EPC1: variants seen among roughly 807,000 people sequenced by gnomAD.
The protein encoded by EPC1 is enhancer of polycomb 1.
In EPC1, 12 loss-of-function variants were observed where a neutral mutation model predicts 98.4. The ratio of observed to expected loss-of-function variants is 0.12; its 90% CI spans 0.08 to 0.20. The LOEUF (loss-of-function observed/expected upper bound fraction) is 0.20, where lower values mean the gene tolerates loss of function less well. Among genes scored for constraint, EPC1 ranks in the 10% least tolerant of loss-of-function variants. The pLI, the probability that EPC1 is intolerant of heterozygous loss-of-function variation, is 1.00. For missense variants in EPC1, 729 were observed against 990.5 expected (o/e 0.74, Z 3.54); for synonymous variants, 357 against 363.9 (o/e 0.98, Z 0.21).
At chr10:32,325,055 C>T (rs945824141) in intron 1 of EPC1, among the ~76,000 whole-genome samples, 1 of 152,060 alleles carries the variant, frequency 6.6e-6, no homozygotes, top group African/African-American at 2.4e-5. Context: ...TAATTTTTAG[C>T]TGCAGACTGT....
intron 11 of EPC1, 136 bp from the exon 12 acceptor site, chr10:32,272,303 C>A (rs552212516): frequency 7.8e-6 from 5 of 641,728 alleles, no homozygotes; most frequent in African/African-American, 7.3e-5. Flanking sequence ...ATTTTGGTAC[C>A]TTGAGATGCA....
intron 1 of EPC1, among the ~76,000 whole-genome samples, chr10:32,353,589 A>G (rs1839186660): frequency 6.6e-6 from 1 of 152,222 alleles, no homozygotes; most frequent in Non-Finnish European, 1.5e-5. Flanking sequence ...ACTAAGAGCT[A>G]AGGCAAGACA....
At chr10:32,269,275 T>C (rs1322423233) in intron 13 of EPC1, 140 bp from the exon 14 acceptor site, 2 of 618,246 alleles carry the variant, frequency 3.2e-6, no homozygotes, top group Non-Finnish European at 5.7e-6. Context: ...AGTAGAGGAA[T>C]ACGAATCTTT....
chr10:32,307,019 A>G (rs1835913314), intron 1 of EPC1, among the ~76,000 whole-genome samples: 1 of 152,216 alleles, frequency 6.6e-6, no homozygotes, highest in Non-Finnish European at 1.5e-5. Flanking sequence ...AAATATGTAA[A>G]GGAATATATA....
chr10:32,275,872 G>A (rs768312965), intron 10 of EPC1, among the ~76,000 whole-genome samples: 1 of 152,010 alleles, frequency 6.6e-6, no homozygotes, highest in Admixed American at 6.6e-5. Context: ...GGGAGGTGGA[G>A]GTTGCAGTTA....
At chr10:32,305,746 C>A (rs1234839102) in intron 2 of EPC1, 26 bp downstream of exon 2, 6 of 1,533,434 alleles carry the variant, frequency 3.9e-6, no homozygotes, top group Non-Finnish European at 5.2e-6. Context: ...ATAGAAAATA[C>A]AATCATTAAG....
chr10:32,346,101 C>T (rs1042230526), intron 1 of EPC1, among the ~76,000 whole-genome samples: 1 of 152,218 alleles, frequency 6.6e-6, no homozygotes, highest in Non-Finnish European at 1.5e-5. Context: ...GTCTTATCTT[C>T]TAGAAAAGTA....
chr10:32,332,642 T>A (rs1267041590), intron 1 of EPC1, among the ~76,000 whole-genome samples: 1 of 152,250 alleles, frequency 6.6e-6, no homozygotes, highest in Non-Finnish European at 1.5e-5. Flanking sequence ...TGCAGCTGAC[T>A]GCAATCCTGA....
intron 1 of EPC1, among the ~76,000 whole-genome samples, chr10:32,323,978 C>A (rs1194260961): frequency 6.6e-6 from 1 of 152,062 alleles, no homozygotes; most frequent in Non-Finnish European, 1.5e-5. Context: ...CTCTGTCGCC[C>A]AGGCTGGAGA....
chr10:32,311,321 A>G (rs1343109960), intron 1 of EPC1, among the ~76,000 whole-genome samples: 1 of 152,106 alleles, frequency 6.6e-6, no homozygotes, highest in Non-Finnish European at 1.5e-5. Flanking sequence ...TCAAAAAAAA[A>G]AAAAACAAAA....
chr10:32,340,664 T>TA (rs1376484167), intron 1 of EPC1, among the ~76,000 whole-genome samples: 2 of 151,986 alleles, frequency 1.3e-5, no homozygotes, highest in Non-Finnish European at 2.9e-5. Flanking sequence ...TATTTAAAAA[T>TA]AAAAATAGAA....
intron 10 of EPC1, among the ~76,000 whole-genome samples, chr10:32,279,071 C>T (rs1564520990): frequency 6.6e-6 from 1 of 152,116 alleles, no homozygotes; most frequent in African/African-American, 2.4e-5. Context: ...AATTCTGAGG[C>T]TGGGCGCAGT....
chr10:32,368,480 C>G lies in EPC1; in HGVS notation c.3+10011G>C, dbSNP rs12219363. Among the ~76,000 whole-genome samples, 38 of 152,296 alleles carry G rather than the reference C, an allele frequency of 2.5e-4. No individual in the cohort carries two copies. The East Asian group carries it at 7.3e-3, about 29-fold the overall frequency. On this transcript the variant is annotated intron_variant, in intron 1 of 13. Transcript: ENST00000375110. Reference sequence around the variant, plus strand: ...CAATCTTTATCTGCTGAAAGTTTACCCATCCTTCAAGGTTCCAGTCAAAAC... The same window carrying G: ...CAATCTTTATCTGCTGAAAGTTTACGCATCCTTCAAGGTTCCAGTCAAAAC...
intron 1 of EPC1, among the ~76,000 whole-genome samples, chr10:32,336,280 G>A (rs1837963523): frequency 7.5e-6 from 1 of 133,760 alleles, no homozygotes; most frequent in South Asian, 2.8e-4. Flanking sequence ...ATGTTGGCCA[G>A]GCTGGTCTCG....
At chr10:32,325,763 G>A (rs1271738657) in intron 1 of EPC1, among the ~76,000 whole-genome samples, 4 of 145,734 alleles carry the variant, frequency 2.7e-5, no homozygotes, top group Non-Finnish European at 6.0e-5. Context: ...GCAAACTGTG[G>A]CAGACACTGC....
At chr10:32,366,678 T>TA (rs997841119) in intron 1 of EPC1, among the ~76,000 whole-genome samples, 1 of 126,240 alleles carries the variant, frequency 7.9e-6, no homozygotes, top group African/African-American at 2.8e-5. Flanking sequence ...GAGGTATATA[T>TA]AAAAAAGCAA....
intron 1 of EPC1, among the ~76,000 whole-genome samples, chr10:32,308,192 C>T (rs192497487): frequency 5.9e-5 from 9 of 152,168 alleles, no homozygotes; most frequent in African/African-American, 2.2e-4. Flanking sequence ...ACCAGCCTGG[C>T]CAACATGGTG....
intron 1 of EPC1, among the ~76,000 whole-genome samples, chr10:32,307,810 CT>C (rs1835961358): frequency 6.6e-6 from 1 of 152,222 alleles, no homozygotes; most frequent in African/African-American, 2.4e-5. Context: ...GAGAAATATT[CT>C]TAGCACACAC....
intron 1 of EPC1, among the ~76,000 whole-genome samples, chr10:32,372,055 C>T (rs1180985945): frequency 6.6e-6 from 1 of 152,180 alleles, no homozygotes; most frequent in African/African-American, 2.4e-5. Context: ...AGTTTGCAAT[C>T]CATATTTCAA....
Sources: gnomAD v4.1 joint callset for allele counts (sites outside exome capture counted in the v4.1 genomes callset) on GRCh38, gnomAD v4.1.1 for gene constraint, MANE v1.5 for transcripts, NCBI Gene and HGNC (gene_info 2026-07-23, HGNC 2026-07-21) for gene names.